CEP192: variants seen among roughly 807,000 people sequenced by gnomAD.
CEP192 encodes centrosomal protein of 192 kDa.
A neutral mutation model predicts 271.8 loss-of-function variants in CEP192; 151 were observed. The observed-to-expected ratio is 0.56, with a 90% confidence interval of 0.49 to 0.64. CEP192 has a LOEUF of 0.64. Ranked by LOEUF, CEP192 falls within the 30% of genes least tolerant of loss-of-function variation. The pLI is 0.00. For missense variants in CEP192, 2,910 were observed against 3,020.5 expected (o/e 0.96, Z 0.86); for synonymous variants, 995 against 1,076.5 (o/e 0.92, Z 1.48).
chr18:13,052,413 T>G (rs570379517), intron 17 of CEP192, among the ~76,000 whole-genome samples: 7 of 152,208 alleles, frequency 4.6e-5, no homozygotes, highest in Admixed American at 2.0e-4. Flanking sequence ...AGTCTTTATA[T>G]TTATCATTAA....
chr18:13,087,169 T>C lies in CEP192; in HGVS notation c.5769T>C (p.Ala1923=), dbSNP rs1355100012. 1 of 1,614,012 alleles carries C rather than the reference T, an allele frequency of 6.2e-7. No homozygotes were observed. The highest frequency in any genetic ancestry group is 8.5e-7 in the Non-Finnish European group (1 of 1,179,984). The change falls in exon 31 of 45, where the codon GCT becomes GCC. Residue 1923 remains alanine (A), a synonymous_variant. Coordinates refer to ENST00000506447, the MANE Select transcript of CEP192 (RefSeq NM_032142.4). ...FSVRNTGSRA[A]FVKAVGFKDS... ...TCCGCAACACTGGCTCCCGAGCAGC[T>C]TTTGTTAAAGCAGTAGGTTTTAAGG...
rs980881905 is a variant in CEP192 at position 13,019,279 on chromosome 18, GT to G, written c.1050+80del. 5.1e-5 allele frequency: 64 copies of G among 1,254,376 alleles called. No individual in the cohort carries two copies. The Admixed American group carries it at 8.4e-4, about 17-fold the overall frequency. The allele number at this position is 1,254,376 out of a possible 1,614,324, so 77.7% of individuals were successfully genotyped here. A position where few individuals can be genotyped will look rare whatever the true frequency, so the allele number is the denominator to read the frequency against. ...GGTCTTTTGTGTTTATATGATATCA[GT>G]TTTTTTCAAAGAAACAGTAACTGTT... On this transcript the variant is annotated intron_variant, in intron 9 of 44. Transcript: ENST00000506447.
chr18:13,075,049 T>C (rs999884516), intron 30 of CEP192, among the ~76,000 whole-genome samples: 3 of 152,230 alleles, frequency 2.0e-5, no homozygotes, highest in Non-Finnish European at 4.4e-5. Flanking sequence ...GTCTCCCAAA[T>C]TTCTGTATTG....
At chr18:13,053,406 A>G (rs2036909121) in intron 18 of CEP192, among the ~76,000 whole-genome samples, 1 of 152,172 alleles carries the variant, frequency 6.6e-6, no homozygotes, top group African/African-American at 2.4e-5. Context: ...TTGCTTCAGC[A>G]AAGGTTTCTG....
chr18:13,072,899 T>C, intron 29 of CEP192, 54 bp downstream of exon 29: 1 of 1,529,066 alleles, frequency 6.5e-7, no homozygotes, highest in Non-Finnish European at 9.1e-7. Flanking sequence ...CTGGAACACT[T>C]GCATATGCAG....
rs1286573631 is a variant in CEP192 at position 13,056,385 on chromosome 18, T to C, written c.3795T>C (p.Tyr1265=). The part of the protein sequence containing the change: ...SLSAAPFAQR[Y]LGTLPSTGST... ...GCGCTGCTCCTTTTGCTCAGCGGTA[T>C]TTGGGAACACTCCCTTCAACTGGAA... The change falls in exon 19 of 45, where the codon TAT becomes TAC. Residue 1265 remains tyrosine, a synonymous_variant. Transcript: ENST00000506447. 3 of 1,614,124 alleles carry C rather than the reference T, an allele frequency of 1.9e-6. No individual in the cohort carries two copies. The highest frequency in any genetic ancestry group is 1.7e-5 in the Admixed American group (1 of 60,012).
intron 28 of CEP192, among the ~76,000 whole-genome samples, chr18:13,071,742 C>T (rs1037129265): frequency 5.9e-5 from 9 of 152,014 alleles, no homozygotes; most frequent in Non-Finnish European, 8.8e-5. Context: ...TTGAGACTCC[C>T]TGTATTGTAC....
chr18:13,121,508 AG>A (rs898403360), intron 44 of CEP192, among the ~76,000 whole-genome samples: 3 of 152,234 alleles, frequency 2.0e-5, no homozygotes, highest in African/African-American at 2.4e-5. Context: ...CTCAGTGCAG[AG>A]GTGGGTGAAC....
At position 13,071,117 on chromosome 18, in the gene CEP192, T is replaced by C. The variant is rs768085553; in HGVS notation, c.5253T>C (p.Ser1751=). 6.2e-7 allele frequency: 1 copy of C among 1,614,104 alleles called. No homozygotes were observed. The highest frequency in any genetic ancestry group is 8.5e-7 in the Non-Finnish European group (1 of 1,179,924). ...AAGGCGAAGTCATTTCTTCAGGAAG[T>C]AAACCTCTGTCACCTGGACCTTGCT... The part of the protein sequence containing the change: ...VLKGEVISSG[S]KPLSPGPCLD... The change falls in exon 28 of 45, where the codon AGT becomes AGC. Residue 1751 remains serine (S), a synonymous_variant. Coordinates refer to ENST00000506447, the MANE Select transcript of CEP192 (RefSeq NM_032142.4).
At chr18:13,022,142 G>A (rs1299565596) in intron 9 of CEP192, among the ~76,000 whole-genome samples, 2 of 152,038 alleles carry the variant, frequency 1.3e-5, no homozygotes, top group Non-Finnish European at 2.9e-5. Context: ...TTGCTTCATC[G>A]TGTTGCCATT....
At chr18:13,123,558 T>C (rs2040771688) in intron 44 of CEP192, among the ~76,000 whole-genome samples, 1 of 152,170 alleles carries the variant, frequency 6.6e-6, no homozygotes, top group African/African-American at 2.4e-5. Context: ...TGCCAGTCTT[T>C]AAAACACACA....
At chr18:13,088,081 A>C (rs2038978642) in intron 32 of CEP192, among the ~76,000 whole-genome samples, 2 of 152,234 alleles carry the variant, frequency 1.3e-5, no homozygotes, top group Non-Finnish European at 2.9e-5. Context: ...TGAAAGGATC[A>C]AGTTGAATTT....
chr18:13,094,292 T>C (rs542702134), intron 34 of CEP192, among the ~76,000 whole-genome samples: 3 of 152,274 alleles, frequency 2.0e-5, no homozygotes, highest in Admixed American at 2.0e-4. Flanking sequence ...CCATTGATGC[T>C]TGTTGCCTGA....
chr18:13,053,828 TACAGGTGTGCACTACC>T (rs1244001566), intron 18 of CEP192, among the ~76,000 whole-genome samples: 1 of 152,134 alleles, frequency 6.6e-6, no homozygotes, highest in African/African-American at 2.4e-5. Context: ...TAGCTGGGAC[TACAGGTGTGCACTACC>T]ACACCTGGCT....
chr18:13,079,732 A>G (rs1426156135), intron 30 of CEP192, among the ~76,000 whole-genome samples: 3 of 152,182 alleles, frequency 2.0e-5, no homozygotes, highest in East Asian at 3.8e-4. Flanking sequence ...CCTAAATGGT[A>G]TTGCCTAGGT....
Position 13,068,883 on chromosome 18 carries a change from A to G in CEP192, c.4854A>G (p.Ala1618=), listed in dbSNP as rs2037857527. Reference sequence around the variant, plus strand: ...TGGACTCAGCAGAAGAATTCTCGGCAAAAGTTGATATCGAAGTTGACAGCC... The same window carrying G: ...TGGACTCAGCAGAAGAATTCTCGGCGAAAGTTGATATCGAAGTTGACAGCC... ...DILDSAEEFS[A]KVDIEVDSPN... The change falls in exon 25 of 45, where the codon GCA becomes GCG. Residue 1618 remains alanine, a synonymous_variant. Coordinates refer to ENST00000506447, the MANE Select transcript of CEP192 (RefSeq NM_032142.4). 6.2e-7 allele frequency: 1 copy of G among 1,614,078 alleles called. No individual in the cohort carries two copies. Among genetic ancestry groups the G allele is most frequent in the Admixed American group, 1.7e-5 (1 of 60,002 alleles).
In CEP192 at chr18:13,048,811, C is replaced by T. The variant is rs371247968; in HGVS notation, c.2068-48C>T. ...TGATAATGGGGGACTAATGAATGTT[C>T]ATGAAACTGGGGTAAATTTATCTGA... On this transcript the variant is annotated intron_variant, in intron 15 of 44. Coordinates refer to ENST00000506447, the MANE Select transcript of CEP192 (RefSeq NM_032142.4). 1.9e-5 allele frequency: 25 copies of T among 1,292,196 alleles called. No individual in the cohort carries two copies. In the African/African-American group the frequency reaches 3.1e-4, roughly 16 times the overall value. The allele number at this position is 1,292,196 out of a possible 1,614,324, so 80.0% of individuals were successfully genotyped here. A position where few individuals can be genotyped will look rare whatever the true frequency, so the allele number is the denominator to read the frequency against.
At chr18:13,109,195 A>G (rs1211104228) in intron 40 of CEP192, among the ~76,000 whole-genome samples, 1 of 152,256 alleles carries the variant, frequency 6.6e-6, no homozygotes, top group Middle Eastern at 3.2e-3. Flanking sequence ...TGGTACATGT[A>G]TATCATGGAA....
At chr18:13,016,030 G>A (rs962175118) in intron 6 of CEP192, among the ~76,000 whole-genome samples, 3 of 152,220 alleles carry the variant, frequency 2.0e-5, no homozygotes, top group Non-Finnish European at 2.9e-5. Flanking sequence ...ACAGGCGTGA[G>A]CCATCGCGCC....
Sources: allele counts gnomAD v4.1 joint callset (sites outside exome capture counted in the v4.1 genomes callset), GRCh38; gene constraint gnomAD v4.1.1; transcripts MANE v1.5; gene names NCBI Gene and HGNC (gene_info 2026-07-23, HGNC 2026-07-21).